The following MKX variants were observed in gnomAD, a reference collection of about 807,000 sequenced individuals.
MKX encodes the protein homeobox protein Mohawk.
Under a neutral mutation model 36.0 loss-of-function variants are expected in MKX, and 13 were observed. That is an observed-to-expected ratio of 0.36 (90% CI 0.24 to 0.57). The LOEUF is 0.57. MKX is among the 20% of genes least tolerant of loss of function. The pLI, the probability that MKX is intolerant of heterozygous loss-of-function variation, is 0.79. For synonymous variants in MKX, 176 were observed against 178.3 expected, an observed-to-expected ratio of 0.99 and a Z score of 0.10; for missense variants, 458 against 456.4, an observed-to-expected ratio of 1.00 and a Z score of -0.03.
At chr10:27,708,646 T>G (rs1479914695) in intron 5 of MKX, among the ~76,000 whole-genome samples, 1 of 151,766 alleles carries the variant, frequency 6.6e-6, no homozygotes, top group Non-Finnish European at 1.5e-5. Context: ...AGAGAATCAC[T>G]TGAACCGGGA....
chr10:27,695,435 GAAA>G (rs143932170), intron 5 of MKX, among the ~76,000 whole-genome samples: 184 of 142,334 alleles, frequency 1.3e-3, no homozygotes, highest in African/African-American at 4.5e-3. Flanking sequence ...AGGCTTAACA[GAAA>G]AAAAAAAAAA....
At chr10:27,712,083 C>A (rs1315062266) in intron 5 of MKX, among the ~76,000 whole-genome samples, 4 of 152,138 alleles carry the variant, frequency 2.6e-5, no homozygotes, top group Non-Finnish European at 5.9e-5. Flanking sequence ...TGGTGCCCCA[C>A]ACCAGCTGTC....
intron 5 of MKX, among the ~76,000 whole-genome samples, chr10:27,723,172 A>T (rs2132618366): frequency 6.6e-6 from 1 of 152,260 alleles, no homozygotes; most frequent in East Asian, 1.9e-4. Flanking sequence ...TACATACAAA[A>T]TTTTCTGAAA....
intron 5 of MKX, among the ~76,000 whole-genome samples, chr10:27,711,504 TTC>T (rs1395582027): frequency 0.064 from 1,402 of 21,970 alleles, 82 homozygotes; most frequent in Middle Eastern, 0.13. Flanking sequence ...TCTTCTTTCC[TTC>T]CTTCCTTCCT....
At position 27,744,742 on chromosome 10, in the gene MKX, A is replaced by ACC. The variant is rs1835012093; in HGVS notation, c.-83+964_-83+965insGG. On this transcript the variant is annotated intron_variant, in intron 1 of 6. Coordinates refer to ENST00000419761, the MANE Select transcript of MKX (RefSeq NM_173576.3). The surrounding 1 kb of genome is among the most constrained non-coding windows in gnomAD (Gnocchi z 5.6). ...CACACACACACACACACACACACAC[A>ACC]CACCCTTTGCCTCGCCAAGCGCCCA... The ACC allele has an allele frequency of 6.5e-6, 1 of 153,188 alleles. No individual in the cohort carries two copies. Among genetic ancestry groups the ACC allele is most frequent in the African/African-American group, 2.5e-5 (1 of 40,730 alleles). 9.5% of individuals were successfully genotyped at this position (153,188 alleles called of 1,614,324 possible). A position where few individuals can be genotyped will look rare whatever the true frequency, so the allele number is the denominator to read the frequency against.
chr10:27,696,536 G>A (rs939375699), intron 5 of MKX, among the ~76,000 whole-genome samples: 19 of 152,174 alleles, frequency 1.2e-4, no homozygotes, highest in Admixed American at 6.5e-5. Context: ...ATGCTTGAGT[G>A]TGGAAAATTC....
intron 5 of MKX, among the ~76,000 whole-genome samples, chr10:27,694,525 A>ATATAT (rs1554770429): frequency 3.3e-5 from 1 of 30,578 alleles, no homozygotes; most frequent in African/African-American, 7.3e-5. Context: ...CTAAAAAAAA[A>ATATAT]AAATATATAT....
At chr10:27,737,912 A>AT (rs1834813575) in intron 3 of MKX, among the ~76,000 whole-genome samples, 1 of 152,086 alleles carries the variant, frequency 6.6e-6, no homozygotes, top group African/African-American at 2.4e-5. Flanking sequence ...TGGCCTTCTA[A>AT]TTTTTTAAAA....
chr10:27,714,009 C>CAAAAAAAAAAAAAAAAAAAAAAAAA lies in MKX; in HGVS notation c.838+20446_838+20447insTTTTTTTTTTTTTTTTTTTTTTTTT, dbSNP rs10632508. On this transcript the variant is annotated intron_variant, in intron 5 of 6. Transcript: ENST00000419761. Reference sequence around the variant, plus strand: ...GAGTACAGCAAATTTGTGCAAAGACCAAAAAAAAAAAAAAAAAAAAGAGGC... The same window carrying CAAAAAAAAAAAAAAAAAAAAAAAAA: ...GAGTACAGCAAATTTGTGCAAAGACCAAAAAAAAAAAAAAAAAAAAAAAAAAAAAAAAAAAAAAAAAAAAAGAGGC... Among the ~76,000 whole-genome samples, 2 of 102,528 alleles carry CAAAAAAAAAAAAAAAAAAAAAAAAA rather than the reference C, an allele frequency of 2.0e-5. 1 individual carries two copies. Among genetic ancestry groups the CAAAAAAAAAAAAAAAAAAAAAAAAA allele is most frequent in the African/African-American group, 6.2e-5 (2 of 32,434 alleles). The allele number at this position is 102,528 out of a possible 152,430, so 67.3% of individuals were successfully genotyped here.
rs1836101377 is a variant in MKX, at chr10:27,674,268, T to C, written c.*961A>G. 1 of 152,446 alleles carries C rather than the reference T, an allele frequency of 6.6e-6. No individual in the cohort carries two copies. Among genetic ancestry groups the C allele is most frequent in the Admixed American group, 6.5e-5 (1 of 15,280 alleles). 9.4% of individuals were successfully genotyped at this position (152,446 alleles called of 1,614,324 possible). ...ACAGAGATACATTTCTTTCATTCTG[T>C]TGTTCTCGCTGCAATACAAATTGTC... On this transcript the variant is annotated 3_prime_UTR_variant, in exon 7 of 7. Transcript: ENST00000419761.
At position 27,741,105 on chromosome 10, in the gene MKX, G is replaced by GT. The variant is rs1335137204; in HGVS notation, c.348+239dup. Among the ~76,000 whole-genome samples, 1 of 152,134 alleles carries GT rather than the reference G, an allele frequency of 6.6e-6. No homozygotes were observed. Among genetic ancestry groups the GT allele is most frequent in the East Asian group, 1.9e-4 (1 of 5,174 alleles). On this transcript the variant is annotated intron_variant, in intron 3 of 6. Coordinates refer to ENST00000419761, the MANE Select transcript of MKX (RefSeq NM_173576.3). The surrounding 1 kb of genome is among the most constrained non-coding windows in gnomAD (Gnocchi z 5.1). ...ATGCTCACTAATGTTGAACCTTCTC[G>GT]TAAGTCTGCAGTTTACTTTTCACTT...
rs888359684 is a variant in MKX, at chr10:27,675,033, T to C, written c.*196A>G. On this transcript the variant is annotated 3_prime_UTR_variant, in exon 7 of 7. Coordinates refer to ENST00000419761, the MANE Select transcript of MKX (RefSeq NM_173576.3). Reference sequence around the variant, plus strand: ...CATAGTTTGAGTAACATAAAATAAGTTAATATTTTTGATTAAAATGAGTTT... The same window carrying C: ...CATAGTTTGAGTAACATAAAATAAGCTAATATTTTTGATTAAAATGAGTTT... 1.0e-5 allele frequency: 5 copies of C among 489,336 alleles called. No homozygotes were observed. Among genetic ancestry groups the C allele is most frequent in the Non-Finnish European group, 1.4e-5 (4 of 282,344 alleles). 30.3% of individuals were successfully genotyped at this position (489,336 alleles called of 1,614,324 possible).
intron 5 of MKX, among the ~76,000 whole-genome samples, chr10:27,693,472 C>G (rs1284726851): frequency 6.6e-6 from 1 of 151,886 alleles, no homozygotes; most frequent in Non-Finnish European, 1.5e-5. Flanking sequence ...AAAAATACCC[C>G]CAAACAAGAA....
chr10:27,680,300 T>C (rs1289257871), intron 5 of MKX, among the ~76,000 whole-genome samples: 1 of 148,052 alleles, frequency 6.8e-6, no homozygotes, highest in African/African-American at 2.5e-5. Flanking sequence ...TAAAAGCAAC[T>C]GGTTGGCAGG....
chr10:27,731,918 A>C (rs555211985), intron 5 of MKX, among the ~76,000 whole-genome samples: 1 of 152,348 alleles, frequency 6.6e-6, no homozygotes, highest in African/African-American at 2.4e-5. Flanking sequence ...CAATGTTAAA[A>C]ATTTTATAAG....
rs1334015525 is a variant in MKX at position 27,741,103 on chromosome 10, T to TCGTA, written c.348+238_348+241dup. On this transcript the variant is annotated intron_variant, in intron 3 of 6. Transcript: ENST00000419761. This position sits in a 1 kb window ranked among gnomAD's most constrained non-coding sequence, Gnocchi z 5.1. The stretch of plus-strand genomic sequence containing the variant: ...TGATGCTCACTAATGTTGAACCTTC[T>TCGTA]CGTAAGTCTGCAGTTTACTTTTCAC... 1.3e-5 allele frequency among the ~76,000 whole-genome samples: 2 copies of TCGTA among 152,218 alleles called. No homozygotes were observed. Among genetic ancestry groups the TCGTA allele is most frequent in the Non-Finnish European group, 2.9e-5 (2 of 68,042 alleles).
chr10:27,743,610 C>A (rs1253138708), intron 1 of MKX, 113 bp from the exon 2 acceptor site: 2 of 576,458 alleles, frequency 3.5e-6, no homozygotes, highest in South Asian at 2.7e-5. Context: ...AGGGGAGGAG[C>A]GGCGCCGCCG....
intron 5 of MKX, among the ~76,000 whole-genome samples, chr10:27,691,526 C>T (rs111615232): frequency 6.6e-6 from 1 of 152,076 alleles, no homozygotes; most frequent in African/African-American, 2.4e-5. Flanking sequence ...ACGCCTGTAT[C>T]GAATGAACCA....
intron 5 of MKX, among the ~76,000 whole-genome samples, chr10:27,694,832 G>T (rs74129337): frequency 0.015 from 2,205 of 151,064 alleles, 58 homozygotes; most frequent in African/African-American, 0.051. Context: ...CCTGGCACTC[G>T]TACACAAGAG....
Sources: allele counts gnomAD v4.1 joint callset (sites outside exome capture counted in the v4.1 genomes callset), GRCh38; gene constraint gnomAD v4.1.1; non-coding constraint Gnocchi (gnomAD v3.1); transcripts MANE v1.5; gene names NCBI Gene and HGNC (gene_info 2026-07-23, HGNC 2026-07-21).